The following RAVER1 variants were observed in gnomAD, a reference collection of about 807,000 sequenced individuals.
The protein encoded by RAVER1 is ribonucleoprotein, PTB binding 1.
RAVER1 carries 36 observed loss-of-function variants against 68.4 expected under a neutral mutation model. That is an observed-to-expected ratio of 0.53 (90% confidence interval 0.40 to 0.70). The LOEUF is 0.70. RAVER1 is among the 30% of genes least tolerant of loss of function. RAVER1 has a pLI of 0.00. For synonymous variants in RAVER1, 469 were observed against 472.7 expected, an observed-to-expected ratio of 0.99 and a Z score of 0.10; for missense variants, 933 against 1,019.8, an observed-to-expected ratio of 0.91 and a Z score of 1.16.
At chr19:10,321,829 C>G (rs1263006056) in intron 6 of RAVER1, 3 of 379,874 alleles carry the variant, frequency 7.9e-6, no homozygotes, top group Admixed American at 4.6e-5. Flanking sequence ...GCTCCAGGCC[C>G]CAGTTCCCTG....
chr19:10,332,360 T>C (rs900439617), intron 1 of RAVER1, among the ~76,000 whole-genome samples: 51 of 152,294 alleles, frequency 3.3e-4, no homozygotes, highest in Admixed American at 1.3e-4. Context: ...CTGTGCATCT[T>C]GCAGGAGAGA....
chr19:10,324,083 G>A (rs1254610888), intron 3 of RAVER1, among the ~76,000 whole-genome samples: 1 of 151,834 alleles, frequency 6.6e-6, no homozygotes, highest in Non-Finnish European at 1.5e-5. Flanking sequence ...GAACCTGTGA[G>A]GCAGAGGTTG....
rs2040388800 is a variant in RAVER1, at chr19:10,316,494, G to T, written c.*960C>A. ...GGATCTGGCCGGGGGTGGGCAGGCA[G>T]AATTCAAGAATTCATCTTCAACAAG... On this transcript the variant is annotated 3_prime_UTR_variant, in exon 13 of 13. Transcript: ENST00000617231. 1.0e-6 allele frequency: 1 copy of T among 989,994 alleles called. No homozygotes were observed. Among genetic ancestry groups the T allele is most frequent in the African/African-American group, 1.7e-5 (1 of 57,294 alleles). The allele number at this position is 989,994 out of a possible 1,614,324, so 61.3% of individuals were successfully genotyped here.
rs1253682624 is a variant in RAVER1 at position 10,333,367 on chromosome 19, G to A, written c.141C>T (p.Arg47=). ...PPLDPEEIRK[R]LEHTERQFRN... is the part of the protein sequence containing the mutation. ...GGAACTGGCGCTCGGTGTGTTCCAG[G>A]CGTTTCCGGATCTCTTCTGGATCTA... The change falls in exon 1 of 13, where the codon CGC becomes CGT. Residue 47 remains arginine, a synonymous_variant. Coordinates refer to ENST00000617231, the MANE Select transcript of RAVER1 (RefSeq NM_133452.3). This position sits in a 1 kb window ranked among gnomAD's most constrained non-coding sequence, Gnocchi z 4.2. 2 of 1,613,912 alleles carry A rather than the reference G, an allele frequency of 1.2e-6. No individual in the cohort carries two copies. Among genetic ancestry groups the A allele is most frequent in the East Asian group, 4.5e-5 (2 of 44,886 alleles).
Position 10,328,754 on chromosome 19 carries a change from G to C in RAVER1, c.644C>G (p.Pro215Arg), listed in dbSNP as rs763232813. Reference protein sequence around the residue: ...VHWTDAGQLTPALLHSRCLCV... With the variant: ...VHWTDAGQLTRALLHSRCLCV... The stretch of plus-strand genomic sequence containing the variant: ...GAGGCAGCGGGAGTGGAGAAGGGCA[G>C]GCGTCAGTTGCCCGGCATCCGTCCA... Residue 215 changes from proline to arginine, a missense_variant, in exon 3 of 13, where the codon CCT (proline) becomes CGT (arginine). Physicochemically the swap from Pro to Arg is moderately radical, Grantham distance 103. This residue lies in a region of RAVER1 where 699 missense variants were observed against 731.1 expected (regional missense o/e 0.96). Transcript: ENST00000617231. This position sits in a 1 kb window ranked among gnomAD's most constrained non-coding sequence, Gnocchi z 4.4. 2.5e-6 allele frequency: 4 copies of C among 1,612,852 alleles called. No homozygotes were observed. Among genetic ancestry groups the C allele is most frequent in the Non-Finnish European group, 3.4e-6 (4 of 1,179,758 alleles).
At position 10,323,947 on chromosome 19, in the gene RAVER1, G is replaced by A. The variant is rs562972523; in HGVS notation, c.757-381C>T. 6.6e-6 allele frequency among the ~76,000 whole-genome samples: 1 copy of A among 152,132 alleles called. No individual in the cohort carries two copies. Among genetic ancestry groups the A allele is most frequent in the East Asian group, 1.9e-4 (1 of 5,176 alleles). ...GCAGATAACCTGAGGTCGGGAGTTC[G>A]AGACCAGCCTGACCAACATGGAGAA... On this transcript the variant is annotated intron_variant, in intron 3 of 12. Transcript: ENST00000617231. The surrounding 1 kb of genome is among the most constrained non-coding windows in gnomAD (Gnocchi z 6.2).
rs781268509 is a variant in RAVER1 at position 10,321,031 on chromosome 19, G to C, written c.1473+17C>G. On this transcript the variant is annotated intron_variant, in intron 8 of 12. Transcript: ENST00000617231. ...ACAGGAGGCTGGTGTGGTGCCGCGCGCAGGGCAGGGCCTTACCCCAGGGGG... is the reference window on the plus strand; with the variant it reads ...ACAGGAGGCTGGTGTGGTGCCGCGCCCAGGGCAGGGCCTTACCCCAGGGGG... 8 of 1,436,988 alleles carry C rather than the reference G, an allele frequency of 5.6e-6. No individual in the cohort carries two copies. Among genetic ancestry groups the C allele is most frequent in the Non-Finnish European group, 7.3e-6 (8 of 1,097,652 alleles). The allele number at this position is 1,436,988 out of a possible 1,614,324, so 89.0% of individuals were successfully genotyped here.
rs540121301 is a variant in RAVER1 at position 10,332,171 on chromosome 19, AT to A, written c.219+1117del. ...CACCATGCCTGGCTAATTTTTAAAAATTTTTTGTAGAGATGAGGGTTTCACT... is the reference window on the plus strand; with the variant it reads ...CACCATGCCTGGCTAATTTTTAAAAATTTTTGTAGAGATGAGGGTTTCACT... On this transcript the variant is annotated intron_variant, in intron 1 of 12. Coordinates refer to ENST00000617231, the MANE Select transcript of RAVER1 (RefSeq NM_133452.3). 6.6e-5 allele frequency among the ~76,000 whole-genome samples: 10 copies of A among 152,078 alleles called. No individual in the cohort carries two copies. In the South Asian group the frequency reaches 2.1e-3, roughly 32 times the overall value.
rs1388401992 is a variant in RAVER1 at position 10,329,899 on chromosome 19, C to G, written c.286+561G>C. ...GCTGCTGTTTCTTGAGCATGGAACA[C>G]TGAGCCCCACCTCCTCACCTGGTTA... On this transcript the variant is annotated intron_variant, in intron 2 of 12. Coordinates refer to ENST00000617231, the MANE Select transcript of RAVER1 (RefSeq NM_133452.3). This position sits in a 1 kb window ranked among gnomAD's most constrained non-coding sequence, Gnocchi z 4.6. Among the ~76,000 whole-genome samples, 1 of 152,030 alleles carries G rather than the reference C, an allele frequency of 6.6e-6. No homozygotes were observed. The highest frequency in any genetic ancestry group is 1.5e-5 in the Non-Finnish European group (1 of 67,994).
chr19:10,319,035 A>G, intron 10 of RAVER1, 131 bp downstream of exon 10: 1 of 790,256 alleles, frequency 1.3e-6, no homozygotes, highest in Non-Finnish European at 2.0e-6. Flanking sequence ...ACACAGTGAG[A>G]TCCTGTCTTA....
Position 10,322,431 on chromosome 19 carries a change from A to C in RAVER1, c.1173+214T>G. On this transcript the variant is annotated intron_variant, in intron 6 of 12. Transcript: ENST00000617231. This position sits in a 1 kb window ranked among gnomAD's most constrained non-coding sequence, Gnocchi z 4.3. ...CACCAAGTCCAGGGGCGCTCTCAGAATGGAGGGAAAGATGGCGAACCATCA... is the reference window on the plus strand; with the variant it reads ...CACCAAGTCCAGGGGCGCTCTCAGACTGGAGGGAAAGATGGCGAACCATCA... 8.0e-6 allele frequency: 4 copies of C among 500,524 alleles called. No individual in the cohort carries two copies. Among genetic ancestry groups the C allele is most frequent in the Non-Finnish European group, 6.9e-6 (2 of 287,868 alleles). 31.0% of individuals were successfully genotyped at this position (500,524 alleles called of 1,614,324 possible).
Position 10,329,140 on chromosome 19 carries a change from C to A in RAVER1, c.287-29G>T. The A allele has an allele frequency of 7.3e-7, 1 of 1,373,926 alleles. No homozygotes were observed. Among genetic ancestry groups the A allele is most frequent in the South Asian group, 1.5e-5 (1 of 66,202 alleles). The allele number at this position is 1,373,926 out of a possible 1,614,324, so 85.1% of individuals were successfully genotyped here. On this transcript the variant is annotated intron_variant, in intron 2 of 12. Coordinates refer to ENST00000617231, the MANE Select transcript of RAVER1 (RefSeq NM_133452.3). This position sits in a 1 kb window ranked among gnomAD's most constrained non-coding sequence, Gnocchi z 4.6. ...CGGTGGGAGGAGGGCAGTGCGAGGT[C>A]AGCCGGGCCCTGAGGGCCTGCCCCT... is the stretch of plus-strand genomic sequence containing the variant.
In RAVER1 at chr19:10,329,152, G is replaced by T; in HGVS notation, c.287-41C>A. On this transcript the variant is annotated intron_variant, in intron 2 of 12. Coordinates refer to ENST00000617231, the MANE Select transcript of RAVER1 (RefSeq NM_133452.3). This position sits in a 1 kb window ranked among gnomAD's most constrained non-coding sequence, Gnocchi z 4.6. ...GGCAGTGCGAGGTCAGCCGGGCCCT[G>T]AGGGCCTGCCCCTCCACCCCGCCAC... 7.8e-7 allele frequency: 1 copy of T among 1,284,118 alleles called. No homozygotes were observed. The highest frequency in any genetic ancestry group is 1.1e-6 in the Non-Finnish European group (1 of 949,494). 79.5% of individuals were successfully genotyped at this position (1,284,118 alleles called of 1,614,324 possible).
At position 10,317,295 on chromosome 19, in the gene RAVER1, TGGGCTCCTG is replaced by T; in HGVS notation, c.*150_*158del. 1 of 772,012 alleles carries T rather than the reference TGGGCTCCTG, an allele frequency of 1.3e-6. No individual in the cohort carries two copies. Among genetic ancestry groups the T allele is most frequent in the East Asian group, 2.6e-5 (1 of 37,740 alleles). The allele number at this position is 772,012 out of a possible 1,614,324, so 47.8% of individuals were successfully genotyped here. A position where few individuals can be genotyped will look rare whatever the true frequency, so the allele number is the denominator to read the frequency against. On this transcript the variant is annotated 3_prime_UTR_variant, in exon 13 of 13. Transcript: ENST00000617231. This position sits in a 1 kb window ranked among gnomAD's most constrained non-coding sequence, Gnocchi z 4.3. Reference sequence around the variant, plus strand: ...GGCCTCCAGACTCCCCCACACCCCTTGGGCTCCTGGGGCTCCGGCTGATTGGTCAGTAAA... The same window carrying T: ...GGCCTCCAGACTCCCCCACACCCCTTGGGCTCCGGCTGATTGGTCAGTAAA...
chr19:10,320,371 G>A (rs888474606), intron 9 of RAVER1, among the ~76,000 whole-genome samples: 1 of 151,936 alleles, frequency 6.6e-6, no homozygotes, highest in African/African-American at 2.4e-5. Flanking sequence ...GGGCATGGAG[G>A]TGCGTGCCTG....
At position 10,333,267 on chromosome 19, in the gene RAVER1, C is replaced by G. The variant is rs1469538045; in HGVS notation, c.219+22G>C. On this transcript the variant is annotated intron_variant, in intron 1 of 12. Transcript: ENST00000617231. This position sits in a 1 kb window ranked among gnomAD's most constrained non-coding sequence, Gnocchi z 4.2. ...GCACCGTGGTATTTCCCGCCACGCT[C>G]CTACACCGCCCCCCCCAATACCTGG... The G allele has an allele frequency of 6.2e-7, 1 of 1,607,828 alleles. No homozygotes were observed. Among genetic ancestry groups the G allele is most frequent in the Non-Finnish European group, 8.5e-7 (1 of 1,175,758 alleles).
rs2040536473 is a variant in RAVER1, at chr19:10,333,195, C to G, written c.219+94G>C. ...GTGCTTGGGCGCCCCCGCCAACGAC[C>G]CCCGCGCACCTCAGCGTTGGTGTCG... On this transcript the variant is annotated intron_variant, in intron 1 of 12. Coordinates refer to ENST00000617231, the MANE Select transcript of RAVER1 (RefSeq NM_133452.3). The surrounding 1 kb of genome is among the most constrained non-coding windows in gnomAD (Gnocchi z 4.2). The G allele has an allele frequency of 7.8e-7, 1 of 1,275,304 alleles. No homozygotes were observed. The highest frequency in any genetic ancestry group is 1.5e-5 in the African/African-American group (1 of 66,882). 79.0% of individuals were successfully genotyped at this position (1,275,304 alleles called of 1,614,324 possible).
rs1388622464 is a variant in RAVER1, at chr19:10,317,250, G to A, written c.*204C>T. ...AGGCTGCAGGGTTTCAGCGTGGGGA[G>A]CAAGCCAGAGACATAATGAGGCCTC... On this transcript the variant is annotated 3_prime_UTR_variant, in exon 13 of 13. Transcript: ENST00000617231. The surrounding 1 kb of genome is among the most constrained non-coding windows in gnomAD (Gnocchi z 4.3). The A allele has an allele frequency of 4.8e-6, 3 of 621,878 alleles. No individual in the cohort carries two copies. The highest frequency in any genetic ancestry group is 5.6e-6 in the Non-Finnish European group (2 of 356,598). The allele number at this position is 621,878 out of a possible 1,614,324, so 38.5% of individuals were successfully genotyped here.
Position 10,322,681 on chromosome 19 carries a change from C to T in RAVER1, c.1137G>A (p.Ala379=), listed in dbSNP as rs115122793. The part of the protein sequence containing the change: ...PLLNGPALST[A]LLQLALQTQG... ...GGGTCTGCAGGGCGAGCTGCAACAGCGCCGTGGACAGGGCTGGCCCATTGA... is the reference window on the plus strand; with the variant it reads ...GGGTCTGCAGGGCGAGCTGCAACAGTGCCGTGGACAGGGCTGGCCCATTGA... Residue 379 remains alanine, a synonymous_variant, in exon 6 of 13, where the codon GCG becomes GCA. Transcript: ENST00000617231. The surrounding 1 kb of genome is among the most constrained non-coding windows in gnomAD (Gnocchi z 4.3). The T allele has an allele frequency of 4.1e-3, 6,266 of 1,542,620 alleles. 229 individuals carry two copies. The African/African-American group carries it at 0.079, about 19-fold the overall frequency.
Sources: allele counts gnomAD v4.1 joint callset (sites outside exome capture counted in the v4.1 genomes callset), GRCh38; gene constraint gnomAD v4.1.1; regional missense constraint gnomAD v4.1.1; non-coding constraint Gnocchi (gnomAD v3.1); transcripts MANE v1.5; gene names NCBI Gene and HGNC (gene_info 2026-07-23, HGNC 2026-07-21).